The following IRGM variants were observed in gnomAD, a reference collection of about 807,000 sequenced individuals.
The protein encoded by IRGM is immunity-related GTPase family M protein.
For missense variants in IRGM, 288 were observed against 219.9 expected, an observed-to-expected ratio of 1.31 and a Z score of -1.96; for synonymous variants, 98 against 80.6, an observed-to-expected ratio of 1.22 and a Z score of -1.16.
At chr5:150,862,925 G>A (rs1197322705) in intron 1 of IRGM, among the ~76,000 whole-genome samples, 1 of 152,078 alleles carries the variant, frequency 6.6e-6, no homozygotes, top group East Asian at 1.9e-4. Flanking sequence ...CCATTGGCAG[G>A]GAGGAGAAGA....
At chr5:150,891,505 ATTAT>A (rs1754609633) in intron 3 of IRGM, among the ~76,000 whole-genome samples, 4 of 151,808 alleles carry the variant, frequency 2.6e-5, no homozygotes, top group East Asian at 1.9e-4. Context: ...CTTGTTTTGG[ATTAT>A]TTGTTATGAT....
chr5:150,895,709 T>G, intron 3 of IRGM: 4 of 1,613,650 alleles, frequency 2.5e-6, no homozygotes, highest in Non-Finnish European at 2.5e-6. Flanking sequence ...TTCTCTGATG[T>G]CCAATGAGAT....
At chr5:150,878,180 TTG>T (rs1362387469) in intron 2 of IRGM, 108 of 366,322 alleles carry the variant, frequency 2.9e-4, no homozygotes, top group African/African-American at 1.1e-3. Context: ...ACTTTTTTTT[TTG>T]TTGTTGTTGT....
rs1157362483 is a variant in IRGM, at chr5:150,858,319, G to T, written c.158+9665G>T. ...TTGGTACCAGTACCATGCTGTTTTG[G>T]TTACTGTAGCCTTGTAGTATAGTTT... On this transcript the variant is annotated intron_variant and NMD_transcript_variant, in intron 1 of 3. Transcript: ENST00000520549. Among the ~76,000 whole-genome samples the T allele has an allele frequency of 9.9e-5, 15 of 152,228 alleles. No individual in the cohort carries two copies. In the East Asian group the frequency reaches 2.9e-3, roughly 29 times the overall value.
intron 1 of IRGM, among the ~76,000 whole-genome samples, chr5:150,856,698 G>T (rs906759503): frequency 6.6e-6 from 1 of 150,808 alleles, no homozygotes; most frequent in South Asian, 2.1e-4. Context: ...TCAAACTCTT[G>T]GGCTCAAGCA....
At chr5:150,864,491 C>T (rs1336984911) in intron 1 of IRGM, among the ~76,000 whole-genome samples, 1 of 152,150 alleles carries the variant, frequency 6.6e-6, no homozygotes, top group Non-Finnish European at 1.5e-5. Flanking sequence ...TGTATGTCTT[C>T]GTCATTACTA....
chr5:150,861,581 T>C (rs547208889), intron 1 of IRGM, among the ~76,000 whole-genome samples: 1 of 152,352 alleles, frequency 6.6e-6, no homozygotes, highest in Admixed American at 6.5e-5. Flanking sequence ...ATGTTTGTTC[T>C]TGTTATCCTG....
At chr5:150,885,869 G>A (rs533021133) in intron 3 of IRGM, among the ~76,000 whole-genome samples, 5 of 152,150 alleles carry the variant, frequency 3.3e-5, no homozygotes, top group South Asian at 4.1e-4. Context: ...AACAGAGATC[G>A]TTTTACTTCT....
At chr5:150,880,632 C>T (rs975799112) in intron 3 of IRGM, among the ~76,000 whole-genome samples, 31 of 152,066 alleles carry the variant, frequency 2.0e-4, no homozygotes, top group Admixed American at 2.0e-3. Flanking sequence ...AATGGGAACC[C>T]GCTTTTAAGT....
At chr5:150,855,711 A>C (rs1754039412) in intron 1 of IRGM, among the ~76,000 whole-genome samples, 1 of 152,154 alleles carries the variant, frequency 6.6e-6, no homozygotes, top group Non-Finnish European at 1.5e-5. Context: ...GGTTTTATTG[A>C]CCTGAGTAAC....
At chr5:150,891,083 A>T (rs924010423) in intron 3 of IRGM, among the ~76,000 whole-genome samples, 1 of 152,096 alleles carries the variant, frequency 6.6e-6, no homozygotes, top group African/African-American at 2.4e-5. Flanking sequence ...TTGAAGTTTT[A>T]TCAGTTATTG....
chr5:150,870,233 G>C (rs1029335870), intron 1 of IRGM, among the ~76,000 whole-genome samples: 24 of 152,148 alleles, frequency 1.6e-4, no homozygotes, highest in African/African-American at 5.3e-4. Context: ...CAACACATAG[G>C]TGCACATCCC....
intron 1 of IRGM, among the ~76,000 whole-genome samples, chr5:150,866,026 G>C (rs749709379): frequency 6.6e-6 from 1 of 152,202 alleles, no homozygotes; most frequent in Non-Finnish European, 1.5e-5. Flanking sequence ...CAAAGTGCTA[G>C]GATTAGAGGC....
At position 150,897,188 on chromosome 5, in the gene IRGM, AAG is replaced by A. The variant is rs1344904218; in HGVS notation, c.*141-3397_*141-3396del. ...ATATTCATGTAAAAACTAAACTTAA[AAG>A]AGATGAAAAAGTGGGGTCTCATCAC... On this transcript the variant is annotated intron_variant and NMD_transcript_variant, in intron 3 of 3. Coordinates refer to the IRGM transcript ENST00000520549. The A allele has an allele frequency of 6.2e-5, 26 of 417,164 alleles. No individual in the cohort carries two copies. The East Asian group carries it at 8.8e-4, about 14-fold the overall frequency. The allele number at this position is 417,164 out of a possible 1,614,324, so 25.8% of individuals were successfully genotyped here.
At chr5:150,853,104 A>T (rs185810712), downstream of IRGM, among the ~76,000 whole-genome samples, 4 of 152,084 alleles carry the variant, frequency 2.6e-5, no homozygotes, top group East Asian at 7.7e-4. Flanking sequence ...TTCCCTCTTC[A>T]TACTGCTTTT....
At chr5:150,861,406 C>T (rs773735695) in intron 1 of IRGM, among the ~76,000 whole-genome samples, 5 of 152,122 alleles carry the variant, frequency 3.3e-5, no homozygotes, top group Admixed American at 2.0e-4. Context: ...CAGGAAGTAG[C>T]ACAAAATTAC....
chr5:150,871,438 A>G (rs948532374), intron 1 of IRGM, among the ~76,000 whole-genome samples: 3 of 152,176 alleles, frequency 2.0e-5, no homozygotes, highest in African/African-American at 7.2e-5. Context: ...TTATTGAGCA[A>G]AAGTTTTTGT....
exon 2 of IRGM, chr5:150,878,054 A>G (rs1428554): frequency 0.16 from 74,088 of 460,854 alleles, 9,594 homozygotes; most frequent in African/African-American, 0.45. Context: ...CTGAGAGAAA[A>G]GCAAGACAAA....
intron 1 of IRGM, among the ~76,000 whole-genome samples, chr5:150,877,561 T>C (rs1754382602): frequency 1.3e-5 from 2 of 152,216 alleles, no homozygotes; most frequent in African/African-American, 4.8e-5. Context: ...CCCCTTTATA[T>C]ATACATCTAT....
Sources: gnomAD v4.1 joint callset for allele counts (sites outside exome capture counted in the v4.1 genomes callset) on GRCh38, gnomAD v4.1.1 for gene constraint, MANE v1.5 for transcripts, NCBI Gene and HGNC (gene_info 2026-07-23, HGNC 2026-07-21) for gene names.